SLC2A9: variants seen among roughly 807,000 people sequenced by gnomAD.
The protein encoded by SLC2A9 is solute carrier family 2, facilitated glucose transporter member 9.
A neutral mutation model predicts 50.6 loss-of-function variants in SLC2A9; 39 were observed. The observed-to-expected ratio is 0.77, with a 90% CI of 0.60 to 1.01. The LOEUF (loss-of-function observed/expected upper bound fraction) is 1.01. Among genes scored for constraint, SLC2A9 ranks in the 50% least tolerant of loss-of-function variants. The pLI is 0.00. For missense variants in SLC2A9, 686 were observed against 677.6 expected, an observed-to-expected ratio of 1.01 and a Z score of -0.14; for synonymous variants, 324 against 276.9, an observed-to-expected ratio of 1.17 and a Z score of -1.69.
chr4:9,918,427 G>A (rs1184634650), intron 7 of SLC2A9, among the ~76,000 whole-genome samples: 1 of 152,192 alleles, frequency 6.6e-6, no homozygotes, highest in Non-Finnish European at 1.5e-5. Context: ...TAACACGGAA[G>A]AAGACTTGTC....
upstream of SLC2A9, chr4:10,021,634 A>C (rs937969141): frequency 3.6e-6 from 1 of 278,610 alleles, no homozygotes; most frequent in Admixed American, 6.5e-5. Flanking sequence ...CAGTCCAAAA[A>C]GGGAAATCTG....
intron 3 of SLC2A9, among the ~76,000 whole-genome samples, chr4:9,799,929 G>T (rs16888747): frequency 6.6e-6 from 1 of 152,130 alleles, no homozygotes; most frequent in East Asian, 1.9e-4. Flanking sequence ...AGCTGTTGTA[G>T]GAATAACTTC....
chr4:9,957,401 C>T (rs80173944), intron 5 of SLC2A9, among the ~76,000 whole-genome samples: 1,730 of 152,242 alleles, frequency 0.011, 47 homozygotes, highest in African/African-American at 0.039. Context: ...AGCCTTGTCC[C>T]TCACCCACAG....
At chr4:10,039,349 C>T (rs1267414521) in intron 1 of SLC2A9, among the ~76,000 whole-genome samples, 1 of 152,174 alleles carries the variant, frequency 6.6e-6, no homozygotes, top group Non-Finnish European at 1.5e-5. Flanking sequence ...TCCATCTGTG[C>T]TCAACAGCAG....
chr4:9,799,692 A>AACCC (rs1553813205), intron 3 of SLC2A9, among the ~76,000 whole-genome samples: 2 of 69,810 alleles, frequency 2.9e-5, no homozygotes, highest in African/African-American at 5.7e-5. Flanking sequence ...TTCCAATTGT[A>AACCC]CCCCCCCCCC....
chr4:9,876,724 G>T (rs1323042795), intron 10 of SLC2A9, among the ~76,000 whole-genome samples: 5 of 152,208 alleles, frequency 3.3e-5, no homozygotes, highest in Admixed American at 1.3e-4. Flanking sequence ...GGTAGTTTTA[G>T]ATAGCTCATC....
chr4:9,887,897 G>C (rs1736588502), intron 9 of SLC2A9, among the ~76,000 whole-genome samples: 1 of 152,156 alleles, frequency 6.6e-6, no homozygotes, highest in African/African-American at 2.4e-5. Flanking sequence ...TACAGGAAGT[G>C]GTAAATAAAT....
intron 10 of SLC2A9, among the ~76,000 whole-genome samples, chr4:9,882,188 C>A (rs1735327555): frequency 6.6e-6 from 1 of 152,194 alleles, no homozygotes; most frequent in South Asian, 2.1e-4. Flanking sequence ...TAGACACAAA[C>A]AGGACTGATT....
chr4:9,931,985 T>TATATATATATATACAC (rs1553879032), intron 6 of SLC2A9, among the ~76,000 whole-genome samples: 20 of 95,684 alleles, frequency 2.1e-4, no homozygotes, highest in African/African-American at 6.2e-4. Context: ...TATATATATA[T>TATATATATATATACAC]ATATATATAT....
At chr4:9,821,236 A>AT (rs1724358257), downstream of SLC2A9, among the ~76,000 whole-genome samples, 1 of 152,140 alleles carries the variant, frequency 6.6e-6, no homozygotes, top group African/African-American at 2.4e-5. Context: ...AAATTGACTG[A>AT]TTTTGGAATA....
At chr4:10,021,232 G>C (rs1220222390) in intron 1 of SLC2A9, 48 bp downstream of exon 1, 1 of 1,596,676 alleles carries the variant, frequency 6.3e-7, no homozygotes, top group Non-Finnish European at 8.6e-7. Context: ...ACCCAGGCCT[G>C]CCTTCCCCAC....
chr4:9,883,164 G>T (rs1484054315), intron 10 of SLC2A9, among the ~76,000 whole-genome samples: 1 of 150,096 alleles, frequency 6.7e-6, no homozygotes, highest in African/African-American at 2.4e-5. Flanking sequence ...CACATACACA[G>T]ATTTGAAAAT....
rs1337303279 is a variant in SLC2A9 at position 9,941,997 on chromosome 4, C to A, written c.730G>T (p.Val244Phe). Residue 244 changes from valine to phenylalanine, a missense_variant, in exon 6 of 12, where the codon GTC becomes TTC. By Grantham distance (50) the Val-to-Phe change is conservative. Transcript: ENST00000264784. ...LFGVIVVPAV[V>F]QLLSLPFLPD... Reference sequence around the variant, plus strand: ...AGAAAGGGAAGGCTCAGCAGCTGGACAACGGCAGGGACCACAATCACTCCA... The same window carrying A: ...AGAAAGGGAAGGCTCAGCAGCTGGAAAACGGCAGGGACCACAATCACTCCA... The A allele has an allele frequency of 6.2e-7, 1 of 1,614,198 alleles. No individual in the cohort carries two copies. The highest frequency in any genetic ancestry group is 8.5e-7 in the Non-Finnish European group (1 of 1,180,028).
At chr4:9,869,577 T>G (rs745591709) in intron 10 of SLC2A9, among the ~76,000 whole-genome samples, 4 of 152,236 alleles carry the variant, frequency 2.6e-5, no homozygotes, top group Non-Finnish European at 5.9e-5. Context: ...GGGACTCTTA[T>G]CTGACACACC....
chr4:9,793,549 A>T (rs1481632135), intron 3 of SLC2A9, among the ~76,000 whole-genome samples: 1 of 152,234 alleles, frequency 6.6e-6, no homozygotes, highest in Non-Finnish European at 1.5e-5. Flanking sequence ...TTATTTGTGG[A>T]TTAAATACAG....
intron 3 of SLC2A9, among the ~76,000 whole-genome samples, chr4:9,820,221 G>A (rs1035019682): frequency 6.6e-5 from 10 of 152,272 alleles, no homozygotes; most frequent in African/African-American, 2.2e-4. Flanking sequence ...CAGAACCATT[G>A]TAGAAAAGAT....
intron 3 of SLC2A9, among the ~76,000 whole-genome samples, chr4:9,806,938 A>T (rs1307940593): frequency 1.3e-5 from 2 of 152,186 alleles, no homozygotes; most frequent in Non-Finnish European, 2.9e-5. Context: ...AGACTGAAAG[A>T]TACCAAACTC....
chr4:9,809,390 G>A (rs1472142219), intron 3 of SLC2A9, among the ~76,000 whole-genome samples: 3 of 152,166 alleles, frequency 2.0e-5, no homozygotes, highest in Non-Finnish European at 4.4e-5. Context: ...AGCGAACAGG[G>A]TTGGGCATGG....
intron 3 of SLC2A9, chr4:9,783,052 C>T (rs754203793): frequency 9.3e-6 from 15 of 1,614,100 alleles, no homozygotes; most frequent in African/African-American, 1.3e-5. Context: ...AGACCACCTT[C>T]GACGTCTTCG....
Sources: allele counts gnomAD v4.1 joint callset (sites outside exome capture counted in the v4.1 genomes callset), GRCh38; gene constraint gnomAD v4.1.1; transcripts MANE v1.5; gene names NCBI Gene and HGNC (gene_info 2026-07-23, HGNC 2026-07-21).